C12orf42: variants seen among roughly 807,000 people sequenced by gnomAD.
C12orf42 encodes uncharacterized protein C12orf42.
In C12orf42, 25 loss-of-function variants were observed where a neutral mutation model predicts 21.6. The ratio of observed to expected loss-of-function variants is 1.16; its 90% confidence interval spans 0.84 to 1.62. The LOEUF is 1.62. Ranked by LOEUF, C12orf42 falls within the 40% of genes most tolerant of loss-of-function variation. C12orf42 has a pLI of 0.00. For synonymous variants in C12orf42, 174 were observed against 175.0 expected, an observed-to-expected ratio of 0.99 and a Z score of 0.05; for missense variants, 483 against 459.3, an observed-to-expected ratio of 1.05 and a Z score of -0.47.
chr12:103,278,252 G>A (rs937237162), intron 4 of C12orf42, among the ~76,000 whole-genome samples: 1 of 152,174 alleles, frequency 6.6e-6, no homozygotes, highest in Non-Finnish European at 1.5e-5. Flanking sequence ...CCTTAGCCAT[G>A]TGGATTTTCT....
chr12:103,203,622 A>G, the C12orf42 span, among the ~76,000 whole-genome samples: 107 of 152,332 alleles, frequency 7.0e-4, no homozygotes, highest in African/African-American at 2.5e-3. Flanking sequence ...GGACACACAG[A>G]TAAGACATCA....
rs79132915 is a variant in C12orf42 at position 103,351,463 on chromosome 12, C to T, written c.259+17424G>A. Among the ~76,000 whole-genome samples the T allele has an allele frequency of 4.6e-5, 7 of 152,184 alleles. No individual in the cohort carries two copies. In the East Asian group the frequency reaches 1.4e-3, roughly 29 times the overall value. On this transcript the variant is annotated intron_variant, in intron 4 of 5. Transcript: ENST00000548883. ...AATTGTTCATTGCTCAATTAAACTC[C>T]TTTATATTTAATTTGGCTGAAATTT...
chr12:103,484,433 T>C (rs1012258212), intron 1 of C12orf42, among the ~76,000 whole-genome samples: 2 of 152,248 alleles, frequency 1.3e-5, no homozygotes, highest in African/African-American at 2.4e-5. Context: ...CATTTTTTTA[T>C]GTGTCTCTTG....
At chr12:103,399,936 T>C (rs2047855412) in intron 3 of C12orf42, among the ~76,000 whole-genome samples, 1 of 152,116 alleles carries the variant, frequency 6.6e-6, no homozygotes, top group Non-Finnish European at 1.5e-5. Context: ...CTATATAACA[T>C]CTGACGTACA....
chr12:103,410,435 A>G (rs1298931983), intron 2 of C12orf42, among the ~76,000 whole-genome samples: 1 of 152,212 alleles, frequency 6.6e-6, no homozygotes, highest in Admixed American at 6.5e-5. Context: ...GCTTTCTCCT[A>G]TAGAATTTTT....
intron 2 of C12orf42, among the ~76,000 whole-genome samples, chr12:103,457,037 G>C (rs540015150): frequency 6.6e-6 from 1 of 152,126 alleles, no homozygotes; most frequent in Admixed American, 6.6e-5. Flanking sequence ...GCATAATAGA[G>C]AGAAAAAAAC....
chr12:103,261,469 A>C (rs1192812607), intron 10 of C12orf42, among the ~76,000 whole-genome samples: 5 of 127,676 alleles, frequency 3.9e-5, no homozygotes, highest in African/African-American at 6.5e-5. Context: ...TGACAATGAG[A>C]CTCTTTCAAA....
intron 2 of C12orf42, among the ~76,000 whole-genome samples, chr12:103,418,911 C>A (rs2049611716): frequency 6.7e-6 from 1 of 149,862 alleles, no homozygotes; most frequent in Non-Finnish European, 1.5e-5. Context: ...GCACTTCTTT[C>A]CACATGTGCT....
At chr12:103,056,180 AC>A in the C12orf42 span, among the ~76,000 whole-genome samples, 1 of 151,954 alleles carries the variant, frequency 6.6e-6, no homozygotes, top group African/African-American at 2.4e-5. Flanking sequence ...TTTTCCTTTT[AC>A]TTTTATCAGA....
rs148140789 is a variant in C12orf42 at position 103,331,263 on chromosome 12, A to G, written c.260-24918T>C. On this transcript the variant is annotated intron_variant, in intron 4 of 5. Transcript: ENST00000548883. ...TCTATAACAAAGTGTTGAATAGCTC[A>G]TGAAATTTACTGAATATTGTATATT... 2.0e-3 allele frequency among the ~76,000 whole-genome samples: 310 copies of G among 152,362 alleles called. 2 individuals are homozygous for G. The highest frequency in any genetic ancestry group is 7.3e-3 in the African/African-American group (302 of 41,582).
At chr12:103,209,836 A>G in the C12orf42 span, among the ~76,000 whole-genome samples, 1 of 152,200 alleles carries the variant, frequency 6.6e-6, no homozygotes. Flanking sequence ...TACGGTGGAA[A>G]GGAGTGTTTT....
the C12orf42 span, among the ~76,000 whole-genome samples, chr12:103,066,175 G>T: frequency 6.6e-6 from 1 of 152,234 alleles, no homozygotes; most frequent in Non-Finnish European, 1.5e-5. Context: ...GAAACTGAAC[G>T]TTTGCCTATG....
the C12orf42 span, among the ~76,000 whole-genome samples, chr12:103,535,894 T>C: frequency 5.3e-5 from 8 of 152,164 alleles, no homozygotes; most frequent in Non-Finnish European, 8.8e-5. Flanking sequence ...CCTCTCACCT[T>C]AGGCTCCAGA....
chr12:103,183,445 G>A, the C12orf42 span, among the ~76,000 whole-genome samples: 1 of 152,136 alleles, frequency 6.6e-6, no homozygotes, highest in Non-Finnish European at 1.5e-5. Flanking sequence ...TGAGACTGGT[G>A]AATTTTATCT....
intron 10 of C12orf42, among the ~76,000 whole-genome samples, chr12:103,241,524 A>G (rs1283293173): frequency 1.3e-5 from 2 of 152,184 alleles, no homozygotes; most frequent in East Asian, 3.9e-4. Context: ...GCACTGCAAC[A>G]TGAGTTAGGA....
At chr12:103,439,721 C>G (rs1263470954) in intron 2 of C12orf42, among the ~76,000 whole-genome samples, 1 of 151,936 alleles carries the variant, frequency 6.6e-6, no homozygotes, top group Non-Finnish European at 1.5e-5. Flanking sequence ...CCATCTCACA[C>G]CAGTTAGAGT....
intron 2 of C12orf42, among the ~76,000 whole-genome samples, chr12:103,440,285 C>G (rs1341626856): frequency 3.0e-5 from 4 of 133,880 alleles, no homozygotes; most frequent in Non-Finnish European, 4.8e-5. Flanking sequence ...GGAGGGATAG[C>G]ATTGGGAGAT....
the C12orf42 span, among the ~76,000 whole-genome samples, chr12:103,194,610 G>A: frequency 6.6e-6 from 1 of 152,032 alleles, no homozygotes; most frequent in African/African-American, 2.4e-5. Context: ...AAACTCAAGT[G>A]AAAAGGTGGA....
the C12orf42 span, among the ~76,000 whole-genome samples, chr12:103,515,264 T>C: frequency 6.6e-6 from 1 of 152,354 alleles, no homozygotes; most frequent in East Asian, 1.9e-4. Context: ...AAAAATATTG[T>C]TGCTGTTTTA....
Sources: allele counts gnomAD v4.1 joint callset (sites outside exome capture counted in the v4.1 genomes callset), GRCh38; gene constraint gnomAD v4.1.1; transcripts MANE v1.5; gene names NCBI Gene and HGNC (gene_info 2026-07-23, HGNC 2026-07-21).